The following RBM7 variants were observed in gnomAD, a reference collection of about 807,000 sequenced individuals.
The protein encoded by RBM7 is RNA-binding protein 7.
In RBM7, 13 loss-of-function variants were observed where a neutral mutation model predicts 31.0. The observed-to-expected ratio is 0.42, with a 90% CI of 0.27 to 0.67. The LOEUF (loss-of-function observed/expected upper bound fraction) is 0.67, where lower values mean the gene tolerates loss of function less well. Ranked by LOEUF, RBM7 falls within the 30% of genes least tolerant of loss-of-function variation. The pLI, the probability that RBM7 is intolerant of heterozygous loss-of-function variation, is 0.24. For missense variants in RBM7, 245 were observed against 326.2 expected (o/e 0.75, Z 1.92); for synonymous variants, 106 against 111.2 (o/e 0.95, Z 0.30).
rs767451804 is a variant in RBM7, at chr11:114,405,772, T to C, written c.414T>C (p.Ser138=). The part of the protein sequence containing the change: ...SAQIIQRSFS[S]PENFQRQAVM... The stretch of plus-strand genomic sequence containing the variant: ...AGATAATTCAGAGATCTTTCTCTTC[T>C]CCAGAAAATTTTCAGAGACAAGCAG... The change falls in exon 4 of 5, where the codon TCT becomes TCC. Residue 138 remains serine (S), a synonymous_variant. Transcript: ENST00000375490. 1 of 1,606,178 alleles carries C rather than the reference T, an allele frequency of 6.2e-7. No homozygotes were observed. Among genetic ancestry groups the C allele is most frequent in the South Asian group, 1.1e-5 (1 of 89,770 alleles).
At chr11:114,403,461 T>G (rs1410768781) in intron 3 of RBM7, among the ~76,000 whole-genome samples, 2 of 152,214 alleles carry the variant, frequency 1.3e-5, no homozygotes, top group African/African-American at 2.4e-5. Context: ...TAAGTTGAAT[T>G]AAATGATTTG....
At chr11:114,407,379 C>T (rs112871299) in intron 4 of RBM7, 66 bp from the exon 5 acceptor site, 11 of 1,502,586 alleles carry the variant, frequency 7.3e-6, no homozygotes, top group Non-Finnish European at 6.3e-6. Flanking sequence ...TTTCTGTTAA[C>T]TGACCAAATA....
At chr11:114,400,843 C>G (rs1412116577) in intron 1 of RBM7, 76 bp downstream of exon 1, 2 of 1,557,076 alleles carry the variant, frequency 1.3e-6, no homozygotes, top group African/African-American at 1.4e-5. Flanking sequence ...ACCCCGTTTT[C>G]TTTTCGTAGC....
At position 114,402,932 on chromosome 11, in the gene RBM7, A is replaced by T; in HGVS notation, c.347+17A>T. ...TCCTAGCAGGTAATATTTCTCACTT[A>T]TTGTTAAGATCATTTATCAGGAATT... On this transcript the variant is annotated intron_variant, in intron 3 of 4. Coordinates refer to ENST00000375490, the MANE Select transcript of RBM7 (RefSeq NM_001286045.2). 6.4e-7 allele frequency: 1 copy of T among 1,568,456 alleles called. No individual in the cohort carries two copies.
At position 114,403,041 on chromosome 11, in the gene RBM7, C is replaced by T. The variant is rs1946225345; in HGVS notation, c.347+126C>T. 5.9e-6 allele frequency: 5 copies of T among 846,456 alleles called. No homozygotes were observed. The Admixed American group carries it at 8.6e-5, about 15-fold the overall frequency. The allele number at this position is 846,456 out of a possible 1,614,324, so 52.4% of individuals were successfully genotyped here. ...CTCTTCATTCTGCCGTTATTACTTG[C>T]CTTTTGGGGTTGTTGTTATGTATCT... On this transcript the variant is annotated intron_variant, in intron 3 of 4. Transcript: ENST00000375490.
intron 3 of RBM7, among the ~76,000 whole-genome samples, chr11:114,403,919 A>G (rs998868039): frequency 2.6e-5 from 4 of 152,234 alleles, no homozygotes; most frequent in African/African-American, 9.6e-5. Context: ...AAGTTCTCTA[A>G]AGAAAGAGTA....
chr11:114,407,427 A>C lies in RBM7; in HGVS notation c.442-18A>C, dbSNP rs749547076. On this transcript the variant is annotated intron_variant, in intron 4 of 4. Transcript: ENST00000375490. ...GATATCTAGAAGTATTAACATTTCC[A>C]CTTTTCCTATTCCTCAGATGAACAG... 1 of 1,591,604 alleles carries C rather than the reference A, an allele frequency of 6.3e-7. No homozygotes were observed. Among genetic ancestry groups the C allele is most frequent in the South Asian group, 1.1e-5 (1 of 88,002 alleles).
chr11:114,406,085 CT>C (rs1217673778), intron 4 of RBM7: 1 of 291,806 alleles, frequency 3.4e-6, no homozygotes, highest in East Asian at 9.3e-5. Flanking sequence ...ATTTGTTTTT[CT>C]TTTCAACCAT....
At chr11:114,400,793 C>T (rs766498504) in intron 1 of RBM7, 26 bp downstream of exon 1, 181 of 1,613,530 alleles carry the variant, frequency 1.1e-4, no homozygotes, top group Non-Finnish European at 1.3e-4. Context: ...CGGCCCTTTG[C>T]CTTTCGTTTT....
In RBM7 at chr11:114,407,720, A is replaced by C. The variant is rs879029123; in HGVS notation, c.717A>C (p.Glu239Asp). 1 of 1,613,968 alleles carries C rather than the reference A, an allele frequency of 6.2e-7. No individual in the cohort carries two copies. The highest frequency in any genetic ancestry group is 2.2e-5 in the East Asian group (1 of 44,900). Residue 239 changes from glutamate to aspartate, a missense_variant, in exon 5 of 5, where the codon GAA becomes GAC. Coordinates refer to ENST00000375490, the MANE Select transcript of RBM7 (RefSeq NM_001286045.2). ...GAAAGAGAGATGATTTCTTCTATGA[A>C]GACAGGAATCATGATGACTGGAGCC... is the stretch of plus-strand genomic sequence containing the variant. The part of the protein sequence containing the change: ...YRGKRDDFFY[E>D]DRNHDDWSHD...
chr11:114,408,922 GTTA>G lies in RBM7; in HGVS notation c.*1118_*1120del, dbSNP rs1028090025. ...TGAAAATATAAAAGGAAGGGTGTGTGTTATTTTTTTTTTTTTATGTCACTGACT... is the reference window on the plus strand; with the variant it reads ...TGAAAATATAAAAGGAAGGGTGTGTGTTTTTTTTTTTTTATGTCACTGACT... On this transcript the variant is annotated 3_prime_UTR_variant, in exon 5 of 5. Coordinates refer to ENST00000375490, the MANE Select transcript of RBM7 (RefSeq NM_001286045.2). 17 of 150,288 alleles carry G rather than the reference GTTA, an allele frequency of 1.1e-4. No individual in the cohort carries two copies. Among genetic ancestry groups the G allele is most frequent in the Non-Finnish European group, 1.8e-4 (12 of 67,566 alleles). 9.3% of individuals were successfully genotyped at this position (150,288 alleles called of 1,614,324 possible).
intron 1 of RBM7, among the ~76,000 whole-genome samples, chr11:114,401,272 G>A (rs1032765982): frequency 1.3e-5 from 2 of 152,092 alleles, no homozygotes; most frequent in African/African-American, 4.8e-5. Context: ...GTATTAAAAA[G>A]TGTGAAAAAT....
intron 4 of RBM7, chr11:114,406,468 A>G (rs1447568340): frequency 2.0e-5 from 3 of 152,228 alleles, no homozygotes; most frequent in Non-Finnish European, 4.4e-5. Flanking sequence ...TAGACTATTA[A>G]AATAAAAATG....
In RBM7 at chr11:114,410,424, G is replaced by A. The variant is rs146360837; in HGVS notation, c.*2617G>A. 114 of 152,146 alleles carry A rather than the reference G, an allele frequency of 7.5e-4. No homozygotes were observed. The highest frequency in any genetic ancestry group is 2.7e-3 in the African/African-American group (110 of 41,500). 9.4% of individuals were successfully genotyped at this position (152,146 alleles called of 1,614,324 possible). A position where few individuals can be genotyped will look rare whatever the true frequency, so the allele number is the denominator to read the frequency against. On this transcript the variant is annotated 3_prime_UTR_variant, in exon 5 of 5. Transcript: ENST00000375490. Reference sequence around the variant, plus strand: ...ATACCACTTTCTAATTATGTTGTGTGTGCCCACTTTCCCCATACCTACTGC... The same window carrying A: ...ATACCACTTTCTAATTATGTTGTGTATGCCCACTTTCCCCATACCTACTGC...
chr11:114,401,568 T>C (rs1391010958), intron 1 of RBM7, 130 bp from the exon 2 acceptor site: 17 of 750,286 alleles, frequency 2.3e-5, no homozygotes, highest in Non-Finnish European at 3.4e-5. Flanking sequence ...TGGAAATCCG[T>C]GCATCATTTT....
intron 3 of RBM7, among the ~76,000 whole-genome samples, chr11:114,404,194 A>G (rs1184805879): frequency 6.6e-6 from 1 of 152,166 alleles, no homozygotes; most frequent in Non-Finnish European, 1.5e-5. Context: ...CAGTGGGAGA[A>G]TGGATTGGAG....
Position 114,410,010 on chromosome 11 carries a change from G to C in RBM7, c.*2203G>C, listed in dbSNP as rs887748116. 2 of 152,118 alleles carry C rather than the reference G, an allele frequency of 1.3e-5. No individual in the cohort carries two copies. The highest frequency in any genetic ancestry group is 4.8e-5 in the African/African-American group (2 of 41,404). 9.4% of individuals were successfully genotyped at this position (152,118 alleles called of 1,614,324 possible). ...CTTGCCAGTTGAGCATCCCAGGTCC[G>C]GAAATCCACAGTGCTCCAATGAGCC... is the stretch of plus-strand genomic sequence containing the variant. On this transcript the variant is annotated 3_prime_UTR_variant, in exon 5 of 5. Coordinates refer to ENST00000375490, the MANE Select transcript of RBM7 (RefSeq NM_001286045.2).
chr11:114,402,459 A>G (rs1055196361), intron 2 of RBM7, among the ~76,000 whole-genome samples: 1 of 115,040 alleles, frequency 8.7e-6, no homozygotes, highest in Non-Finnish European at 1.6e-5. Context: ...GCTGGAGTGC[A>G]GTGGTGCAAT....
At chr11:114,403,891 C>T (rs1345260514) in intron 3 of RBM7, among the ~76,000 whole-genome samples, 1 of 152,046 alleles carries the variant, frequency 6.6e-6, no homozygotes, top group Non-Finnish European at 1.5e-5. Flanking sequence ...TTGTGAATAC[C>T]TGTTCAATTA....
Sources: allele counts gnomAD v4.1 joint callset (sites outside exome capture counted in the v4.1 genomes callset), GRCh38; gene constraint gnomAD v4.1.1; transcripts MANE v1.5; gene names NCBI Gene and HGNC (gene_info 2026-07-23, HGNC 2026-07-21).